SLC38A3: variants seen among roughly 807,000 people sequenced by gnomAD.
The protein encoded by SLC38A3 is sodium-coupled neutral amino acid transporter 3.
In SLC38A3, 17 loss-of-function variants were observed where a neutral mutation model predicts 59.5. The ratio of observed to expected loss-of-function variants is 0.29; its 90% CI spans 0.20 to 0.43. The LOEUF is 0.43. Among genes scored for constraint, SLC38A3 ranks in the 20% least tolerant of loss-of-function variants. The pLI is 1.00. For missense variants in SLC38A3, 454 were observed against 653.9 expected (o/e 0.69, Z 3.33); for synonymous variants, 238 against 260.3 (o/e 0.91, Z 0.82).
chr3:50,211,213 G>A (rs1226249730), intron 1 of SLC38A3, among the ~76,000 whole-genome samples: 1 of 152,224 alleles, frequency 6.6e-6, no homozygotes, highest in East Asian at 1.9e-4. Context: ...GGAGGCCACA[G>A]GCCTGAGGGG....
intron 1 of SLC38A3, chr3:50,207,277 G>C (rs1699660557): frequency 6.6e-6 from 1 of 152,250 alleles, no homozygotes; most frequent in African/African-American, 2.4e-5. Context: ...AAGAGGGCTT[G>C]CCGAGGGCCT....
At chr3:50,216,563 TACC>T (rs1699822451) in intron 7 of SLC38A3, among the ~76,000 whole-genome samples, 2 of 152,058 alleles carry the variant, frequency 1.3e-5, no homozygotes, top group African/African-American at 2.4e-5. Context: ...CCGTGGAAAA[TACC>T]ACCTCCCTCT....
rs375321861 is a variant in SLC38A3 at position 50,217,193 on chromosome 3, G to A, written c.549-45G>A. The A allele has an allele frequency of 4.1e-6, 6 of 1,472,740 alleles. No individual in the cohort carries two copies. Among genetic ancestry groups the A allele is most frequent in the African/African-American group, 1.4e-5 (1 of 72,090 alleles). 91.2% of individuals were successfully genotyped at this position (1,472,740 alleles called of 1,614,324 possible). A position where few individuals can be genotyped will look rare whatever the true frequency, so the allele number is the denominator to read the frequency against. On this transcript the variant is annotated intron_variant, in intron 7 of 15. Transcript: ENST00000614032. This position sits in a 1 kb window ranked among gnomAD's most constrained non-coding sequence, Gnocchi z 4.9. The stretch of plus-strand genomic sequence containing the variant: ...AGAGGGAGGCAGGGGCCCCATCCCA[G>A]GCTGAATGGATTCTGACCCTGGCTC...
chr3:50,206,052 T>TA (rs1468623183), intron 1 of SLC38A3, among the ~76,000 whole-genome samples: 1 of 152,152 alleles, frequency 6.6e-6, no homozygotes, highest in African/African-American at 2.4e-5. Context: ...GGGTGTAAGT[T>TA]AGAGCCCGCG....
At chr3:50,209,648 C>CAAAAAAAAAAAAAAAAAAAAAAAAAA (rs113482440) in intron 1 of SLC38A3, among the ~76,000 whole-genome samples, 6 of 114,936 alleles carry the variant, frequency 5.2e-5, no homozygotes, top group African/African-American at 1.6e-4. Context: ...GACTCCGTCT[C>CAAAAAAAAAAAAAAAAAAAAAAAAAA]AAAAAAAAAA....
intron 1 of SLC38A3, among the ~76,000 whole-genome samples, chr3:50,209,575 G>C (rs1575423163): frequency 6.6e-6 from 1 of 152,096 alleles, no homozygotes; most frequent in African/African-American, 2.4e-5. Context: ...TGTGAACCCA[G>C]GAGGCGGAGG....
At position 50,214,901 on chromosome 3, in the gene SLC38A3, C is replaced by T. The variant is rs1012046097; in HGVS notation, c.299+133C>T. 39 of 675,918 alleles carry T rather than the reference C, an allele frequency of 5.8e-5. No homozygotes were observed. Among genetic ancestry groups the T allele is most frequent in the African/African-American group, 5.1e-4 (28 of 54,696 alleles). The allele number at this position is 675,918 out of a possible 1,614,324, so 41.9% of individuals were successfully genotyped here. A position where few individuals can be genotyped will look rare whatever the true frequency, so the allele number is the denominator to read the frequency against. On this transcript the variant is annotated intron_variant, in intron 4 of 15. Coordinates refer to ENST00000614032, the MANE Select transcript of SLC38A3 (RefSeq NM_006841.6). The surrounding 1 kb of genome is among the most constrained non-coding windows in gnomAD (Gnocchi z 6.0). The stretch of plus-strand genomic sequence containing the variant: ...GTGGGCACTTCTTACACTAACAAAC[C>T]GCGGCTGAAAAAAACATCCACAGCC...
At chr3:50,207,251 C>T (rs1218418238) in intron 1 of SLC38A3, 3 of 152,244 alleles carry the variant, frequency 2.0e-5, no homozygotes, top group Admixed American at 1.3e-4. Flanking sequence ...GGGGCCAGGC[C>T]TCACTTGGAG....
intron 1 of SLC38A3, among the ~76,000 whole-genome samples, chr3:50,208,179 CT>C (rs1344730728): frequency 2.0e-5 from 3 of 152,162 alleles, no homozygotes; most frequent in Non-Finnish European, 4.4e-5. Flanking sequence ...CCCATTGGGC[CT>C]ACTGCCCCCT....
In SLC38A3 at chr3:50,214,179, C is replaced by G. The variant is rs1433338270; in HGVS notation, c.-21C>G. 1 of 1,605,794 alleles carries G rather than the reference C, an allele frequency of 6.2e-7. No individual in the cohort carries two copies. The highest frequency in any genetic ancestry group is 8.5e-7 in the Non-Finnish European group (1 of 1,173,884). Reference sequence around the variant, plus strand: ...TGACTGTTGGTGTGAGACCAGTGCTCCTGGTGGTGTGCCCTGAGCCATGGA... The same window carrying G: ...TGACTGTTGGTGTGAGACCAGTGCTGCTGGTGGTGTGCCCTGAGCCATGGA... On this transcript the variant is annotated 5_prime_UTR_variant, in exon 2 of 16. Coordinates refer to ENST00000614032, the MANE Select transcript of SLC38A3 (RefSeq NM_006841.6). The surrounding 1 kb of genome is among the most constrained non-coding windows in gnomAD (Gnocchi z 6.0).
chr3:50,214,155 G>A lies in SLC38A3; in HGVS notation c.-45G>A. The A allele has an allele frequency of 4.4e-6, 7 of 1,577,050 alleles. No homozygotes were observed. The highest frequency in any genetic ancestry group is 6.1e-6 in the Non-Finnish European group (7 of 1,150,924). ...GGGACCGGCTGCTCTGCAGACATCT[G>A]ACTGTTGGTGTGAGACCAGTGCTCC... On this transcript the variant is annotated 5_prime_UTR_variant, in exon 2 of 16. Transcript: ENST00000614032. The surrounding 1 kb of genome is among the most constrained non-coding windows in gnomAD (Gnocchi z 6.0).
intron 1 of SLC38A3, among the ~76,000 whole-genome samples, chr3:50,212,443 G>A (rs1198134050): frequency 6.6e-6 from 1 of 152,180 alleles, no homozygotes; most frequent in Admixed American, 6.5e-5. Flanking sequence ...GGGGCATGAG[G>A]ACATGTGGAC....
chr3:50,212,615 C>A (rs932482930), intron 1 of SLC38A3, among the ~76,000 whole-genome samples: 1 of 152,146 alleles, frequency 6.6e-6, no homozygotes, highest in Non-Finnish European at 1.5e-5. Context: ...TCTCCAGGAT[C>A]CAGGTGCCAG....
In SLC38A3 at chr3:50,214,902, G is replaced by A. The variant is rs978883865; in HGVS notation, c.299+134G>A. The A allele has an allele frequency of 5.9e-6, 4 of 675,256 alleles. No homozygotes were observed. The highest frequency in any genetic ancestry group is 1.8e-5 in the African/African-American group (1 of 54,610). 41.8% of individuals were successfully genotyped at this position (675,256 alleles called of 1,614,324 possible). A position where few individuals can be genotyped will look rare whatever the true frequency, so the allele number is the denominator to read the frequency against. Reference sequence around the variant, plus strand: ...TGGGCACTTCTTACACTAACAAACCGCGGCTGAAAAAAACATCCACAGCCA... The same window carrying A: ...TGGGCACTTCTTACACTAACAAACCACGGCTGAAAAAAACATCCACAGCCA... On this transcript the variant is annotated intron_variant, in intron 4 of 15. Coordinates refer to ENST00000614032, the MANE Select transcript of SLC38A3 (RefSeq NM_006841.6). The surrounding 1 kb of genome is among the most constrained non-coding windows in gnomAD (Gnocchi z 6.0).
chr3:50,215,556 A>T lies in SLC38A3; in HGVS notation c.386A>T (p.Tyr129Phe). The T allele has an allele frequency of 6.2e-7, 1 of 1,613,866 alleles. No homozygotes were observed. Among genetic ancestry groups the T allele is most frequent in the Non-Finnish European group, 8.5e-7 (1 of 1,179,874 alleles). ...KSSGVVGIRA[Y>F]EQLGYRAFGT... ...CCTGCTCCTGCAGGCATCCGTGCCT[A>T]TGAGCAGCTGGGCTACCGTGCCTTT... Residue 129 changes from tyrosine (Y) to phenylalanine (F), a missense_variant, in exon 6 of 16, where the codon TAT (tyrosine) becomes TTT (phenylalanine). By Grantham distance (22) the Tyr-to-Phe change is conservative. Transcript: ENST00000614032. This position sits in a 1 kb window ranked among gnomAD's most constrained non-coding sequence, Gnocchi z 7.1.
intron 1 of SLC38A3, among the ~76,000 whole-genome samples, 153 bp downstream of exon 1, chr3:50,205,501 G>A (rs1699632590): frequency 6.6e-6 from 1 of 152,242 alleles, no homozygotes; most frequent in African/African-American, 2.4e-5. Context: ...CCAAAGCCCC[G>A]CGCGCTCCAG....
chr3:50,217,779 T>C lies in SLC38A3; in HGVS notation c.794T>C (p.Leu265Pro). The C allele has an allele frequency of 6.2e-7, 1 of 1,614,004 alleles. No homozygotes were observed. The highest frequency in any genetic ancestry group is 1.7e-5 in the Admixed American group (1 of 60,008). Residue 265 changes from leucine (L) to proline (P), a missense_variant, in exon 10 of 16, where the codon CTG becomes CCG. This residue lies in a region of SLC38A3 where 390 missense variants were observed against 557.9 expected (regional missense o/e 0.70). Coordinates refer to ENST00000614032, the MANE Select transcript of SLC38A3 (RefSeq NM_006841.6). The surrounding 1 kb of genome is among the most constrained non-coding windows in gnomAD (Gnocchi z 4.9). ...HVEIVKEKVQ[L>P]QVEPEASAFC... ...GAGATCGTGAAGGAGAAGGTGCAGCTGCAGGTCGAGCCTGAGGCTTCAGCC... is the reference window on the plus strand; with the variant it reads ...GAGATCGTGAAGGAGAAGGTGCAGCCGCAGGTCGAGCCTGAGGCTTCAGCC...
rs912685501 is a variant in SLC38A3 at position 50,217,545 on chromosome 3, G to A, written c.690+72G>A. On this transcript the variant is annotated intron_variant, in intron 9 of 15. Coordinates refer to ENST00000614032, the MANE Select transcript of SLC38A3 (RefSeq NM_006841.6). The surrounding 1 kb of genome is among the most constrained non-coding windows in gnomAD (Gnocchi z 4.9). ...TGGGGGAGTTCCCTGTCATCAGGAG[G>A]GGGCAGGTGTCTCTGGGAAGCCTGG... The A allele has an allele frequency of 1.1e-5, 17 of 1,578,528 alleles. No homozygotes were observed. In the African/African-American group the frequency reaches 2.2e-4, roughly 20 times the overall value.
rs1335153290 is a variant in SLC38A3, at chr3:50,217,580, CAG to C, written c.691-95_691-94del. ...TCTCTGGGAAGCCTGGGCCAGAAGGCAGCTCCACCAGTCCTGATCTAGATGTG... is the reference window on the plus strand; with the variant it reads ...TCTCTGGGAAGCCTGGGCCAGAAGGCCTCCACCAGTCCTGATCTAGATGTG... On this transcript the variant is annotated intron_variant, in intron 9 of 15. Transcript: ENST00000614032. The surrounding 1 kb of genome is among the most constrained non-coding windows in gnomAD (Gnocchi z 4.9). 6.3e-7 allele frequency: 1 copy of C among 1,578,576 alleles called. No individual in the cohort carries two copies. Among genetic ancestry groups the C allele is most frequent in the Non-Finnish European group, 8.7e-7 (1 of 1,152,868 alleles).
Sources: allele counts gnomAD v4.1 joint callset (sites outside exome capture counted in the v4.1 genomes callset), GRCh38; gene constraint gnomAD v4.1.1; regional missense constraint gnomAD v4.1.1; non-coding constraint Gnocchi (gnomAD v3.1); transcripts MANE v1.5; gene names NCBI Gene and HGNC (gene_info 2026-07-23, HGNC 2026-07-21).